The following FBN2 variants were observed in gnomAD, a reference collection of about 807,000 sequenced individuals.
FBN2 encodes fibrillin-2.
Under a neutral mutation model 355.6 loss-of-function variants are expected in FBN2, and 105 were observed. The ratio of observed to expected loss-of-function variants is 0.30; its 90% CI spans 0.25 to 0.35. The LOEUF (loss-of-function observed/expected upper bound fraction) is 0.35, where lower values mean the gene tolerates loss of function less well. Ranked by LOEUF, FBN2 falls within the 10% of genes least tolerant of loss-of-function variation. FBN2 has a pLI of 1.00. For synonymous variants in FBN2, 1,350 were observed against 1,301.2 expected, an observed-to-expected ratio of 1.04 and a Z score of -0.81; for missense variants, 3,280 against 3,758.7, an observed-to-expected ratio of 0.87 and a Z score of 3.33.
At chr5:128,443,688 A>G (rs1052033284) in intron 7 of FBN2, among the ~76,000 whole-genome samples, 2 of 152,304 alleles carry the variant, frequency 1.3e-5, no homozygotes, top group South Asian at 4.1e-4. Flanking sequence ...CTTAAAGACC[A>G]AAAAAGGTTT....
chr5:128,309,892 C>A, intron 40 of FBN2, 91 bp downstream of exon 40: 1 of 1,420,874 alleles, frequency 7.0e-7, no homozygotes, highest in Non-Finnish European at 9.9e-7. Context: ...GACTGAACTT[C>A]CAAACTTCCA....
chr5:128,354,862 G>T (rs1166577408), intron 20 of FBN2, among the ~76,000 whole-genome samples: 5 of 152,172 alleles, frequency 3.3e-5, no homozygotes, highest in African/African-American at 4.8e-5. Flanking sequence ...CCATCCAAGT[G>T]GAGACACTGT....
intron 3 of FBN2, among the ~76,000 whole-genome samples, chr5:128,528,331 A>AAGCTATCCTCACAG (rs1756619222): frequency 1.3e-5 from 2 of 152,162 alleles, no homozygotes; most frequent in African/African-American, 4.8e-5. Context: ...ATGGACTTGA[A>AAGCTATCCTCACAG]AGCTATCCTC....
chr5:128,493,983 A>G (rs138543300), intron 5 of FBN2, among the ~76,000 whole-genome samples: 23 of 148,848 alleles, frequency 1.5e-4, no homozygotes, highest in Admixed American at 3.3e-4. Context: ...AATGTAAGAC[A>G]TGTCATATGC....
chr5:128,476,485 T>A (rs568147826), intron 5 of FBN2, among the ~76,000 whole-genome samples: 48 of 151,760 alleles, frequency 3.2e-4, no homozygotes, highest in African/African-American at 1.2e-3. Flanking sequence ...ATAATCAATA[T>A]CAGAATGGAA....
At chr5:128,451,279 T>A (rs1754236671) in intron 6 of FBN2, among the ~76,000 whole-genome samples, 1 of 152,198 alleles carries the variant, frequency 6.6e-6, no homozygotes. Flanking sequence ...GATTTCAGTG[T>A]CTTATTAAAG....
At position 128,289,191 on chromosome 5, in the gene FBN2, G is replaced by A. The variant is rs374456115; in HGVS notation, c.6573C>T (p.Asp2191=). 3.0e-5 allele frequency: 48 copies of A among 1,613,530 alleles called. No homozygotes were observed. Among genetic ancestry groups the A allele is most frequent in the African/African-American group, 8.0e-5 (6 of 74,910 alleles). Residue 2191 remains aspartate, a synonymous_variant, in exon 52 of 65, where the codon GAC becomes GAT. Coordinates refer to ENST00000262464, the MANE Select transcript of FBN2 (RefSeq NM_001999.4). Reference sequence around the variant, plus strand: ...TTGGACATTCACAGCGAAAAGATCCGTCGGTGTTGATACATTGACCATTTG... The same window carrying A: ...TTGGACATTCACAGCGAAAAGATCCATCGGTGTTGATACATTGACCATTTG... ...ICSNGQCINT[D]GSFRCECPMG... is the part of the protein sequence containing the mutation.
At chr5:128,465,211 A>G (rs1754677188) in intron 5 of FBN2, among the ~76,000 whole-genome samples, 1 of 152,220 alleles carries the variant, frequency 6.6e-6, no homozygotes, top group Non-Finnish European at 1.5e-5. Context: ...TTAAATTAGT[A>G]GCCAACATTG....
At chr5:128,290,218 C>T (rs982636284) in intron 50 of FBN2, among the ~76,000 whole-genome samples, 3 of 152,186 alleles carry the variant, frequency 2.0e-5, no homozygotes, top group African/African-American at 7.2e-5. Context: ...CCATCACACT[C>T]AGAAGCCATC....
chr5:128,380,731 G>T (rs331089), intron 11 of FBN2, among the ~76,000 whole-genome samples: 1 of 151,752 alleles, frequency 6.6e-6, no homozygotes, highest in African/African-American at 2.4e-5. Context: ...TTTTAGACTA[G>T]TCACAAACGA....
intron 19 of FBN2, among the ~76,000 whole-genome samples, chr5:128,360,697 C>T (rs1411242539): frequency 6.6e-6 from 1 of 151,592 alleles, no homozygotes; most frequent in Non-Finnish European, 1.5e-5. Context: ...TTCTATAGTC[C>T]TAACTGGTTT....
intron 36 of FBN2, among the ~76,000 whole-genome samples, chr5:128,316,531 A>C (rs2126851981): frequency 6.6e-6 from 1 of 152,276 alleles, no homozygotes; most frequent in Non-Finnish European, 1.5e-5. Flanking sequence ...GAAACTCATA[A>C]ACTAAAATTG....
chr5:128,357,291 C>T lies in FBN2; in HGVS notation c.2659G>A (p.Gly887Arg), dbSNP rs1321557283. The T allele has an allele frequency of 6.2e-7, 1 of 1,613,874 alleles. No individual in the cohort carries two copies. The highest frequency in any genetic ancestry group is 8.5e-7 in the Non-Finnish European group (1 of 1,179,832). Residue 887 changes from glycine (G) to arginine (R), a missense_variant, in exon 20 of 65, where the codon GGA (glycine) becomes AGA (arginine). By Grantham distance (125) the Gly-to-Arg change is moderately radical. Transcript: ENST00000262464. Reference protein sequence around the residue: ...CSPGSKLSSTGLICIDSLKGT... With the variant: ...CSPGSKLSSTRLICIDSLKGT... ...TGAATCTTACCAATACAGATCAATC[C>T]TGTGGAGCTGAGTTTGCTGCCGGGC...
intron 1 of FBN2, 40 bp downstream of exon 1, chr5:128,537,310 C>T: frequency 6.2e-7 from 1 of 1,605,808 alleles, no homozygotes; most frequent in South Asian, 1.1e-5. Context: ...CCCCCTCCCC[C>T]AAGCCGGAGC....
At chr5:128,431,511 C>T (rs768337481) in intron 7 of FBN2, among the ~76,000 whole-genome samples, 12 of 152,154 alleles carry the variant, frequency 7.9e-5, no homozygotes, top group Non-Finnish European at 1.8e-4. Flanking sequence ...GGTACAACAG[C>T]AAAACCAGCA....
At chr5:128,274,090 G>T in intron 60 of FBN2, 122 bp from the exon 61 acceptor site, 1 of 1,094,032 alleles carries the variant, frequency 9.1e-7, no homozygotes, top group Non-Finnish European at 1.4e-6. Context: ...GGCATTTTGG[G>T]AAAATTTATA....
intron 11 of FBN2, among the ~76,000 whole-genome samples, chr5:128,387,892 A>G (rs1752409315): frequency 6.6e-6 from 1 of 152,134 alleles, no homozygotes; most frequent in Non-Finnish European, 1.5e-5. Flanking sequence ...AGTCTTGAAT[A>G]TCTTTGTTAG....
intron 7 of FBN2, among the ~76,000 whole-genome samples, chr5:128,441,105 C>T (rs1487310010): frequency 6.6e-6 from 1 of 152,074 alleles, no homozygotes; most frequent in African/African-American, 2.4e-5. Context: ...AAGGTCAAGG[C>T]TCTGTATTTT....
chr5:128,296,959 T>C (rs1581196854), intron 48 of FBN2, among the ~76,000 whole-genome samples: 1 of 152,342 alleles, frequency 6.6e-6, no homozygotes, highest in East Asian at 1.9e-4. Flanking sequence ...TTTCCTGCTT[T>C]CTCTTGTGAG....
Sources: gnomAD v4.1 joint callset for allele counts (sites outside exome capture counted in the v4.1 genomes callset) on GRCh38, gnomAD v4.1.1 for gene constraint, MANE v1.5 for transcripts, NCBI Gene and HGNC (gene_info 2026-07-23, HGNC 2026-07-21) for gene names.